The following MTUS1 variants were observed in gnomAD, a reference collection of about 807,000 sequenced individuals.
The protein encoded by MTUS1 is microtubule associated scaffold protein 1.
Under a neutral mutation model 120.8 loss-of-function variants are expected in MTUS1, and 109 were observed. That is an observed-to-expected ratio of 0.90 (90% CI 0.77 to 1.06). The LOEUF (loss-of-function observed/expected upper bound fraction) is 1.06, where lower values mean the gene tolerates loss of function less well. Among genes scored for constraint, MTUS1 ranks in the 50% least tolerant of loss-of-function variants. MTUS1 has a pLI of 0.00. For missense variants in MTUS1, 2,210 were observed against 1,486.3 expected (o/e 1.49, Z -8.01); for synonymous variants, 737 against 550.5 (o/e 1.34, Z -4.74).
intron 8 of MTUS1, among the ~76,000 whole-genome samples, chr8:17,664,433 C>CTG (rs2130469817): frequency 6.6e-6 from 1 of 152,032 alleles, no homozygotes; most frequent in East Asian, 1.9e-4. Context: ...GGCCAGCCTG[C>CTG]TGTGGGTGGC....
intron 3 of MTUS1, among the ~76,000 whole-genome samples, chr8:17,732,004 G>C (rs1373064503): frequency 6.6e-6 from 1 of 152,212 alleles, no homozygotes; most frequent in Non-Finnish European, 1.5e-5. Flanking sequence ...GAGGGCGAAG[G>C]GGGAGCTGCT....
At chr8:17,762,997 CTT>C (rs35362554) in intron 1 of MTUS1, among the ~76,000 whole-genome samples, 4 of 146,628 alleles carry the variant, frequency 2.7e-5, no homozygotes, top group Non-Finnish European at 1.5e-5. Flanking sequence ...CCAATGGTAC[CTT>C]TTTTTTTTTT....
Position 17,665,440 on chromosome 8 carries a change from G to A in MTUS1, c.2906-9375C>T, listed in dbSNP as rs537493344. ...CATTTAATGTAACAATGCTCTGAAC[G>A]AATAAAATAGGTATTATCAGACATC... On this transcript the variant is annotated intron_variant, in intron 8 of 14. Transcript: ENST00000693296. 9.2e-5 allele frequency among the ~76,000 whole-genome samples: 14 copies of A among 152,262 alleles called. No homozygotes were observed. The South Asian group carries it at 2.5e-3, about 27-fold the overall frequency.
Position 17,660,884 on chromosome 8 carries a change from C to G in MTUS1, c.2906-4819G>C, listed in dbSNP as rs1407388922. On this transcript the variant is annotated intron_variant, in intron 8 of 14. Coordinates refer to ENST00000693296, the MANE Select transcript of MTUS1 (RefSeq NM_001363059.2). ...ACGGTGAGCCTTGGTGATTAAGAAA[C>G]TCACAAAGCAGAGAAGATAGAACCC... 2.0e-5 allele frequency among the ~76,000 whole-genome samples: 3 copies of G among 152,160 alleles called. No homozygotes were observed. The East Asian group carries it at 5.8e-4, about 29-fold the overall frequency.
intron 1 of MTUS1, among the ~76,000 whole-genome samples, chr8:17,763,433 G>A (rs451322): frequency 0.52 from 79,313 of 151,988 alleles, 21,444 homozygotes; most frequent in Middle Eastern, 0.61. Flanking sequence ...ATACCACTTC[G>A]GCTTATTCCT....
At chr8:17,720,845 G>T (rs1001449481) in intron 4 of MTUS1, among the ~76,000 whole-genome samples, 1 of 152,104 alleles carries the variant, frequency 6.6e-6, no homozygotes, top group African/African-American at 2.4e-5. Flanking sequence ...AAACCATTGT[G>T]AAATGTTTTA....
At chr8:17,664,105 T>C (rs964280054) in intron 8 of MTUS1, 1 of 152,124 alleles carries the variant, frequency 6.6e-6, no homozygotes, top group African/African-American at 2.4e-5. Context: ...AACAGAAATA[T>C]AACAGTTAAA....
chr8:17,708,321 T>A (rs1457425602), intron 6 of MTUS1, among the ~76,000 whole-genome samples: 1 of 152,190 alleles, frequency 6.6e-6, no homozygotes, highest in Non-Finnish European at 1.5e-5. Flanking sequence ...AAAGAAGATA[T>A]ACAAATGGCC....
intron 10 of MTUS1, 84 bp from the exon 11 acceptor site, chr8:17,653,582 G>T: frequency 1.0e-6 from 1 of 967,850 alleles, no homozygotes; most frequent in South Asian, 1.5e-5. Flanking sequence ...TATAGATGTA[G>T]GGGTTGATGA....
chr8:17,755,907 C>T lies in MTUS1; in HGVS notation c.-100G>A. 2 of 1,487,102 alleles carry T rather than the reference C, an allele frequency of 1.3e-6. No homozygotes were observed. The highest frequency in any genetic ancestry group is 2.5e-4 in the Middle Eastern group (1 of 4,044). The allele number at this position is 1,487,102 out of a possible 1,614,324, so 92.1% of individuals were successfully genotyped here. A position where few individuals can be genotyped will look rare whatever the true frequency, so the allele number is the denominator to read the frequency against. On this transcript the variant is annotated 5_prime_UTR_variant, in exon 2 of 15. The change creates a new upstream start codon in the 5' untranslated region. Transcript: ENST00000693296. ...GGTCTGTCTTCTAGGTTTTTCAGCA[C>T]AGTTGAAAGGTTTTCAGTCTAAGAT... is the stretch of plus-strand genomic sequence containing the variant.
intron 8 of MTUS1, among the ~76,000 whole-genome samples, chr8:17,670,188 C>T (rs1256920258): frequency 6.6e-6 from 1 of 152,174 alleles, no homozygotes; most frequent in Admixed American, 6.5e-5. Context: ...CGCTGCATGG[C>T]GCTCAGGAAG....
chr8:17,652,815 G>A (rs1807311056), intron 12 of MTUS1, among the ~76,000 whole-genome samples: 1 of 149,930 alleles, frequency 6.7e-6, no homozygotes, highest in Non-Finnish European at 1.5e-5. Flanking sequence ...CAGCCTGAGT[G>A]ACAGAGTGAG....
At chr8:17,776,752 G>T (rs1447997532) in intron 1 of MTUS1, among the ~76,000 whole-genome samples, 1 of 146,826 alleles carries the variant, frequency 6.8e-6, no homozygotes, top group Non-Finnish European at 1.5e-5. Flanking sequence ...AATAAATGTT[G>T]ACTGTAAATT....
Position 17,754,920 on chromosome 8 carries a change from A to C in MTUS1, c.888T>G (p.Ser296=), listed in dbSNP as rs1386709470. 3 of 1,614,044 alleles carry C rather than the reference A, an allele frequency of 1.9e-6. No individual in the cohort carries two copies. The highest frequency in any genetic ancestry group is 2.5e-6 in the Non-Finnish European group (3 of 1,180,000). Residue 296 remains serine (S), a synonymous_variant, in exon 2 of 15, where the codon TCT becomes TCG. Coordinates refer to ENST00000693296, the MANE Select transcript of MTUS1 (RefSeq NM_001363059.2). ...AATCATTGGGGACTTCCATGCCATCAGAAACTGGTGTTAGTGCTTGTGTCT... is the reference window on the plus strand; with the variant it reads ...AATCATTGGGGACTTCCATGCCATCCGAAACTGGTGTTAGTGCTTGTGTCT... ...EKETQALTPV[S]DGMEVPNDSA... is the part of the protein sequence containing the mutation.
chr8:17,730,410 G>C (rs2046488191), intron 3 of MTUS1, among the ~76,000 whole-genome samples: 1 of 151,278 alleles, frequency 6.6e-6, no homozygotes, highest in Admixed American at 6.6e-5. Context: ...ACTTGAGCCT[G>C]GAAGGTGGAG....
chr8:17,761,152 A>G (rs2131378321), intron 1 of MTUS1, among the ~76,000 whole-genome samples: 1 of 152,334 alleles, frequency 6.6e-6, no homozygotes, highest in East Asian at 1.9e-4. Context: ...AGGATTAAAA[A>G]TTAGTAAATA....
At chr8:17,650,951 T>G (rs1052825103) in intron 12 of MTUS1, among the ~76,000 whole-genome samples, 2 of 152,138 alleles carry the variant, frequency 1.3e-5, no homozygotes, top group African/African-American at 4.8e-5. Flanking sequence ...TCCGGGGCAT[T>G]GGTTTCTGCT....
intron 1 of MTUS1, among the ~76,000 whole-genome samples, chr8:17,769,586 A>G (rs1281789164): frequency 6.6e-6 from 1 of 151,826 alleles, no homozygotes; most frequent in Non-Finnish European, 1.5e-5. Context: ...TGACCTCGTG[A>G]TCCACCCGCC....
At chr8:17,799,490 TTTCTC>T (rs2052510543) in intron 1 of MTUS1, among the ~76,000 whole-genome samples, 1 of 152,158 alleles carries the variant, frequency 6.6e-6, no homozygotes, top group Non-Finnish European at 1.5e-5. Context: ...TTAACTCACT[TTTCTC>T]AATCTACCTA....
Sources: gnomAD v4.1 joint callset for allele counts (sites outside exome capture counted in the v4.1 genomes callset) on GRCh38, gnomAD v4.1.1 for gene constraint, MANE v1.5 for transcripts, NCBI Gene and HGNC (gene_info 2026-07-23, HGNC 2026-07-21) for gene names.